ESRRB: variants seen among roughly 807,000 people sequenced by gnomAD.
ESRRB encodes steroid hormone receptor ERR2.
ESRRB carries 16 observed loss-of-function variants against 46.0 expected under a neutral mutation model. The ratio of observed to expected loss-of-function variants is 0.35; its 90% CI spans 0.24 to 0.53. The LOEUF (loss-of-function observed/expected upper bound fraction) is 0.53. Ranked by LOEUF, ESRRB falls within the 20% of genes least tolerant of loss-of-function variation. The pLI, the probability that ESRRB is intolerant of heterozygous loss-of-function variation, is 0.93. For synonymous variants in ESRRB, 246 were observed against 259.6 expected, an observed-to-expected ratio of 0.95 and a Z score of 0.50; for missense variants, 488 against 607.4, an observed-to-expected ratio of 0.80 and a Z score of 2.07.
At chr14:76,491,972 G>A (rs894473353) in intron 6 of ESRRB, among the ~76,000 whole-genome samples, 3 of 152,228 alleles carry the variant, frequency 2.0e-5, no homozygotes, top group African/African-American at 7.2e-5. Flanking sequence ...CATGGGTTCT[G>A]AGGCCACATT....
At chr14:76,332,197 C>T (rs770762909) in intron 1 of ESRRB, among the ~76,000 whole-genome samples, 1 of 151,720 alleles carries the variant, frequency 6.6e-6, no homozygotes, top group Non-Finnish European at 1.5e-5. Context: ...AGCCTCCATC[C>T]ACCCGAGGGA....
intron 1 of ESRRB, among the ~76,000 whole-genome samples, chr14:76,353,160 T>C: frequency 6.6e-6 from 1 of 151,978 alleles, no homozygotes; most frequent in Non-Finnish European, 1.5e-5. Flanking sequence ...AGTCCGGGAG[T>C]TGAAACAGCC....
intron 1 of ESRRB, among the ~76,000 whole-genome samples, chr14:76,337,125 G>A (rs574132672): frequency 8.5e-5 from 13 of 152,252 alleles, no homozygotes; most frequent in African/African-American, 2.2e-4. Context: ...CTGGCGTGGC[G>A]TGGATGAGGA....
At chr14:76,325,266 C>A (rs1032363461) in intron 1 of ESRRB, among the ~76,000 whole-genome samples, 1 of 152,166 alleles carries the variant, frequency 6.6e-6, no homozygotes, top group African/African-American at 2.4e-5. Context: ...ACAAGCAACA[C>A]TTTTTATAAA....
At chr14:76,372,050 G>T (rs1405378610), upstream of ESRRB, among the ~76,000 whole-genome samples, 1 of 152,134 alleles carries the variant, frequency 6.6e-6, no homozygotes, top group East Asian at 1.9e-4. Flanking sequence ...CCCGACCTCT[G>T]GCAAGAGTTG....
At chr14:76,403,086 C>T (rs2361284) in intron 1 of ESRRB, among the ~76,000 whole-genome samples, 17,412 of 152,232 alleles carry the variant, frequency 0.11, 1,088 homozygotes, top group East Asian at 0.26. Context: ...CCACCACACC[C>T]AGCCAGAATT....
At chr14:76,315,237 G>A (rs963809927) in intron 1 of ESRRB, among the ~76,000 whole-genome samples, 5 of 150,404 alleles carry the variant, frequency 3.3e-5, no homozygotes, top group Non-Finnish European at 5.9e-5. Flanking sequence ...CGAGGTCCTC[G>A]CCTGGTCTCC....
chr14:76,377,333 C>G (rs1322493358), intron 1 of ESRRB, among the ~76,000 whole-genome samples: 2 of 152,162 alleles, frequency 1.3e-5, no homozygotes, highest in Non-Finnish European at 2.9e-5. Context: ...TGTCCGGGCT[C>G]TCGGGGATCC....
chr14:76,397,339 G>T (rs74068604), intron 1 of ESRRB, among the ~76,000 whole-genome samples: 1 of 152,042 alleles, frequency 6.6e-6, no homozygotes, highest in Non-Finnish European at 1.5e-5. Context: ...CACCCAGCAG[G>T]CCAGTCCCCC....
intron 3 of ESRRB, among the ~76,000 whole-genome samples, chr14:76,467,979 T>G (rs1012326752): frequency 7.2e-5 from 11 of 152,130 alleles, no homozygotes; most frequent in Non-Finnish European, 1.2e-4. Context: ...TTGATTTCAG[T>G]GAAAGCTGGG....
intron 3 of ESRRB, among the ~76,000 whole-genome samples, chr14:76,474,802 C>A (rs531854730): frequency 3.3e-5 from 5 of 150,380 alleles, no homozygotes; most frequent in Non-Finnish European, 1.5e-5. Flanking sequence ...GGGTGACAAA[C>A]TGCGACCCTG....
intron 1 of ESRRB, among the ~76,000 whole-genome samples, chr14:76,351,209 G>A (rs993285088): frequency 6.6e-6 from 1 of 152,174 alleles, no homozygotes; most frequent in African/African-American, 2.4e-5. Flanking sequence ...CATTAGAGTG[G>A]TTTCCTAGGG....
At chr14:76,454,512 G>C (rs191875791) in intron 2 of ESRRB, among the ~76,000 whole-genome samples, 22 of 152,316 alleles carry the variant, frequency 1.4e-4, no homozygotes, top group Non-Finnish European at 3.1e-4. Flanking sequence ...GGCCATGTGA[G>C]AGCTGTGGCT....
intron 1 of ESRRB, among the ~76,000 whole-genome samples, chr14:76,379,941 A>G (rs548716487): frequency 6.6e-6 from 1 of 151,910 alleles, no homozygotes; most frequent in African/African-American, 2.4e-5. Flanking sequence ...GGAGTAATCA[A>G]TAAATATTCC....
intron 1 of ESRRB, among the ~76,000 whole-genome samples, chr14:76,332,836 TATATA>T (rs1884049936): frequency 4.5e-5 from 1 of 22,052 alleles, no homozygotes; most frequent in Non-Finnish European, 8.1e-5. Flanking sequence ...ATTTATATAT[TATATA>T]TTTATATATT....
At chr14:76,453,878 C>T (rs1479662995) in intron 2 of ESRRB, among the ~76,000 whole-genome samples, 1 of 152,106 alleles carries the variant, frequency 6.6e-6, no homozygotes, top group African/African-American at 2.4e-5. Flanking sequence ...TCCCAAAGTG[C>T]CTGGATTACA....
chr14:76,353,964 A>C (rs1414352423), intron 1 of ESRRB, among the ~76,000 whole-genome samples: 1 of 152,138 alleles, frequency 6.6e-6, no homozygotes, highest in Non-Finnish European at 1.5e-5. Context: ...CCTGTCTCAA[A>C]ATAAAAATAA....
intron 3 of ESRRB, among the ~76,000 whole-genome samples, chr14:76,475,309 C>T (rs2140017939): frequency 6.7e-6 from 1 of 148,218 alleles, no homozygotes; most frequent in African/African-American, 2.5e-5. Flanking sequence ...TTTGAGGTTG[C>T]AGCGAGCTGT....
intron 1 of ESRRB, among the ~76,000 whole-genome samples, chr14:76,417,149 AG>A (rs1886741694): frequency 6.6e-6 from 1 of 152,194 alleles, no homozygotes. Context: ...AAACAAAAAA[AG>A]AAAGAAAGAA....
Sources: gnomAD v4.1 joint callset for allele counts (sites outside exome capture counted in the v4.1 genomes callset) on GRCh38, gnomAD v4.1.1 for gene constraint, MANE v1.5 for transcripts, NCBI Gene and HGNC (gene_info 2026-07-23, HGNC 2026-07-21) for gene names.